Variants in MCPH1 observed in about 807,000 individuals in gnomAD.
MCPH1 encodes the protein microcephalin 1.
In MCPH1, 104 loss-of-function variants were observed where a neutral mutation model predicts 84.5. The ratio of observed to expected loss-of-function variants is 1.23; its 90% CI spans 1.05 to 1.45. The LOEUF (loss-of-function observed/expected upper bound fraction) is 1.45, where lower values mean the gene tolerates loss of function less well. Ranked by LOEUF, MCPH1 falls within the 40% of genes most tolerant of loss-of-function variation. The pLI, the probability that MCPH1 is intolerant of heterozygous loss-of-function variation, is 0.00. For synonymous variants in MCPH1, 514 were observed against 366.8 expected (o/e 1.40, Z -4.58); for missense variants, 1,498 against 1,005.7 (o/e 1.49, Z -6.62).
At chr8:6,415,283 G>C (rs1272189844) in intron 3 of MCPH1, among the ~76,000 whole-genome samples, 1 of 93,866 alleles carries the variant, frequency 1.1e-5, no homozygotes, top group Non-Finnish European at 2.1e-5. Context: ...TTGTCAACAG[G>C]GTTGGTATCT....
intron 12 of MCPH1, chr8:6,500,178 A>C (rs963350034): frequency 4.1e-6 from 2 of 486,382 alleles, no homozygotes; most frequent in Non-Finnish European, 7.5e-6. Context: ...CATCCTCAGA[A>C]CTGAGAAAAA....
chr8:6,428,107 C>A (rs1801330175), intron 3 of MCPH1, among the ~76,000 whole-genome samples: 1 of 151,780 alleles, frequency 6.6e-6, no homozygotes. Context: ...TTTTATTTGG[C>A]CTTACTATAG....
intron 12 of MCPH1, among the ~76,000 whole-genome samples, chr8:6,551,229 ATT>A (rs10708602): frequency 6.7e-6 from 1 of 150,304 alleles, no homozygotes; most frequent in East Asian, 2.0e-4. Context: ...CTTATTCGTG[ATT>A]TTTTTTTTCT....
intron 8 of MCPH1, among the ~76,000 whole-genome samples, chr8:6,451,072 A>G (rs1046164682): frequency 2.0e-5 from 3 of 152,242 alleles, no homozygotes; most frequent in African/African-American, 7.2e-5. Flanking sequence ...TATTGTTGCA[A>G]ATAAATAGAT....
rs1813373147 is a variant in MCPH1 at position 6,505,494 on chromosome 8, T to TG, written c.2214+5565_2214+5566insG. On this transcript the variant is annotated intron_variant, in intron 12 of 13. Transcript: ENST00000344683. ...TTACATATATAGAATATATATATTCTTTATATATGTATATATAGAATATAT... is the reference window on the plus strand; with the variant it reads ...TTACATATATAGAATATATATATTCTGTTATATATGTATATATAGAATATAT... 2.8e-3 allele frequency among the ~76,000 whole-genome samples: 13 copies of TG among 4,614 alleles called. 1 individual carries two copies. The highest frequency in any genetic ancestry group is 4.4e-3 in the Admixed American group (1 of 228). 3.0% of individuals were successfully genotyped at this position (4,614 alleles called of 152,430 possible).
chr8:6,475,674 A>G (rs1322022388), intron 9 of MCPH1, among the ~76,000 whole-genome samples: 2 of 152,254 alleles, frequency 1.3e-5, no homozygotes, highest in African/African-American at 4.8e-5. Flanking sequence ...AGTGTCAGGC[A>G]TAGAGCAAGA....
chr8:6,534,639 T>A (rs918130448), intron 12 of MCPH1, among the ~76,000 whole-genome samples: 9 of 152,138 alleles, frequency 5.9e-5, no homozygotes, highest in African/African-American at 2.2e-4. Context: ...TATTAAAAAA[T>A]TTTTAAAAAT....
At chr8:6,415,231 G>A (rs577300314) in intron 3 of MCPH1, among the ~76,000 whole-genome samples, 1 of 151,802 alleles carries the variant, frequency 6.6e-6, no homozygotes, top group East Asian at 1.9e-4. Flanking sequence ...CAACAGAAAA[G>A]GACTTTCTCA....
chr8:6,613,031 T>C (rs1387374163), intron 12 of MCPH1, among the ~76,000 whole-genome samples: 1 of 152,192 alleles, frequency 6.6e-6, no homozygotes, highest in African/African-American at 2.4e-5. Flanking sequence ...AGCGTGTCCT[T>C]GAGAAGGCGA....
At chr8:6,508,679 C>T in intron 12 of MCPH1, 1 of 596,110 alleles carries the variant, frequency 1.7e-6, no homozygotes, top group Admixed American at 3.1e-5. Context: ...TCAAATATCC[C>T]CTCTCCTTGC....
At chr8:6,534,528 C>T (rs1302260762) in intron 12 of MCPH1, among the ~76,000 whole-genome samples, 1 of 152,120 alleles carries the variant, frequency 6.6e-6, no homozygotes, top group African/African-American at 2.4e-5. Context: ...CTCAGCCCCC[C>T]AAAGTGCTGG....
chr8:6,430,626 A>AT, intron 3 of MCPH1, among the ~76,000 whole-genome samples: 1 of 152,064 alleles, frequency 6.6e-6, no homozygotes, highest in East Asian at 1.9e-4. Flanking sequence ...AGTGTACTTT[A>AT]TTTTTTCAAA....
intron 3 of MCPH1, among the ~76,000 whole-genome samples, chr8:6,418,293 AGTG>A (rs1416330473): frequency 6.6e-6 from 1 of 152,144 alleles, no homozygotes; most frequent in Non-Finnish European, 1.5e-5. Flanking sequence ...AGACAGAAAA[AGTG>A]GTGATGCCCA....
intron 9 of MCPH1, among the ~76,000 whole-genome samples, chr8:6,476,429 C>CAAAAA (rs57044817): frequency 2.8e-5 from 2 of 71,256 alleles, no homozygotes; most frequent in Non-Finnish European, 5.6e-5. Flanking sequence ...AACTCCATCT[C>CAAAAA]AAAAAAAAAA....
intron 12 of MCPH1, among the ~76,000 whole-genome samples, chr8:6,546,153 G>GA (rs1822541643): frequency 6.6e-6 from 1 of 152,212 alleles, no homozygotes. Context: ...ATGCTAGTGT[G>GA]AAAATTAAGT....
At chr8:6,539,682 G>A (rs1055815321) in intron 12 of MCPH1, among the ~76,000 whole-genome samples, 2 of 152,136 alleles carry the variant, frequency 1.3e-5, no homozygotes, top group African/African-American at 4.8e-5. Flanking sequence ...TGCCTCCCTG[G>A]TTCAAACGAT....
At chr8:6,523,846 C>G (rs1283712042) in intron 12 of MCPH1, among the ~76,000 whole-genome samples, 1 of 150,750 alleles carries the variant, frequency 6.6e-6, no homozygotes, top group Non-Finnish European at 1.5e-5. Context: ...CTCGGCCTTC[C>G]AAAGTGCTGG....
chr8:6,622,560 T>C (rs951350634), intron 13 of MCPH1, among the ~76,000 whole-genome samples: 1 of 152,186 alleles, frequency 6.6e-6, no homozygotes, highest in Non-Finnish European at 1.5e-5. Context: ...TTAGTTTGCT[T>C]GGGCTGCCAT....
chr8:6,519,275 G>C (rs765894589), intron 12 of MCPH1, among the ~76,000 whole-genome samples: 4 of 152,158 alleles, frequency 2.6e-5, no homozygotes, highest in Non-Finnish European at 5.9e-5. Flanking sequence ...ACGATGCTAA[G>C]ACACCACCGG....
Sources: allele counts gnomAD v4.1 joint callset (sites outside exome capture counted in the v4.1 genomes callset), GRCh38; gene constraint gnomAD v4.1.1; transcripts MANE v1.5; gene names NCBI Gene and HGNC (gene_info 2026-07-23, HGNC 2026-07-21).